The following PCCA variants were observed in gnomAD, a reference collection of about 807,000 sequenced individuals.
PCCA encodes propionyl-CoA carboxylase alpha chain, mitochondrial.
A neutral mutation model predicts 101.3 loss-of-function variants in PCCA; 74 were observed. That is an observed-to-expected ratio of 0.73 (90% confidence interval 0.61 to 0.89). PCCA has a LOEUF of 0.89. PCCA is among the 40% of genes least tolerant of loss of function. The pLI is 0.00. For missense variants in PCCA, 891 were observed against 907.0 expected, an observed-to-expected ratio of 0.98 and a Z score of 0.23; for synonymous variants, 294 against 313.6, an observed-to-expected ratio of 0.94 and a Z score of 0.66.
At chr13:100,247,364 C>T (rs2061498912) in intron 8 of PCCA, among the ~76,000 whole-genome samples, 1 of 151,626 alleles carries the variant, frequency 6.6e-6, no homozygotes, top group Non-Finnish European at 1.5e-5. Flanking sequence ...CTACAGGTGC[C>T]TGCCTCCACG....
intron 20 of PCCA, among the ~76,000 whole-genome samples, chr13:100,430,221 G>A (rs1251728222): frequency 2.6e-5 from 4 of 152,038 alleles, no homozygotes; most frequent in African/African-American, 4.8e-5. Context: ...AGCTGAGATC[G>A]CGCCATTGCA....
chr13:100,478,505 A>G (rs2083607916), intron 21 of PCCA, among the ~76,000 whole-genome samples: 1 of 152,142 alleles, frequency 6.6e-6, no homozygotes, highest in Non-Finnish European at 1.5e-5. Flanking sequence ...AGAGGTGGGA[A>G]GACCTGTGTC....
At chr13:100,453,623 C>T (rs1250626457) in intron 21 of PCCA, among the ~76,000 whole-genome samples, 4 of 152,144 alleles carry the variant, frequency 2.6e-5, no homozygotes, top group Non-Finnish European at 4.4e-5. Flanking sequence ...CAAGGTTTCA[C>T]GTCTGGCTGG....
chr13:100,179,449 G>C (rs1321998878), intron 6 of PCCA, among the ~76,000 whole-genome samples: 2 of 152,124 alleles, frequency 1.3e-5, no homozygotes, highest in African/African-American at 4.8e-5. Context: ...CTTCAATGCT[G>C]TCGTGATCTT....
chr13:100,208,348 A>G (rs564408642), intron 6 of PCCA, among the ~76,000 whole-genome samples: 15 of 152,312 alleles, frequency 9.8e-5, no homozygotes, highest in African/African-American at 2.2e-4. Flanking sequence ...GCAGGCAGCA[A>G]CGCTAACATG....
rs368480316 is a variant in PCCA, at chr13:100,249,235, T to C, written c.638-8360T>C. Reference sequence around the variant, plus strand: ...AGAAATTTTATAGTTCTGCAATGTATATTTAGGTCTGAGATCCATTTTGAG... The same window carrying C: ...AGAAATTTTATAGTTCTGCAATGTACATTTAGGTCTGAGATCCATTTTGAG... On this transcript the variant is annotated intron_variant, in intron 8 of 23. Coordinates refer to ENST00000376285, the MANE Select transcript of PCCA (RefSeq NM_000282.4). 3.9e-5 allele frequency among the ~76,000 whole-genome samples: 6 copies of C among 152,378 alleles called. No individual in the cohort carries two copies. The South Asian group carries it at 1.2e-3, about 32-fold the overall frequency.
At chr13:100,143,429 G>T (rs2052136828) in intron 4 of PCCA, among the ~76,000 whole-genome samples, 1 of 151,738 alleles carries the variant, frequency 6.6e-6, no homozygotes, top group Non-Finnish European at 1.5e-5. Flanking sequence ...CAGCTACTTG[G>T]GAGGCTGAGG....
At chr13:100,417,745 C>G (rs1180218473) in intron 19 of PCCA, among the ~76,000 whole-genome samples, 1 of 152,130 alleles carries the variant, frequency 6.6e-6, no homozygotes, top group Admixed American at 6.5e-5. Context: ...TGCCCACTTT[C>G]AGACCAACAG....
chr13:100,456,983 G>A (rs1184259083), intron 21 of PCCA, among the ~76,000 whole-genome samples: 4 of 152,022 alleles, frequency 2.6e-5, no homozygotes, highest in Non-Finnish European at 5.9e-5. Context: ...GGGTGTCTTC[G>A]CAGACACTGG....
chr13:100,443,629 C>T (rs1288975644), intron 20 of PCCA, among the ~76,000 whole-genome samples: 3 of 147,584 alleles, frequency 2.0e-5, no homozygotes, highest in East Asian at 2.0e-4. Context: ...TTTCTTGCCA[C>T]GCAGCAGTTC....
At chr13:100,507,699 T>C (rs890003260) in intron 21 of PCCA, among the ~76,000 whole-genome samples, 4 of 152,276 alleles carry the variant, frequency 2.6e-5, no homozygotes, top group South Asian at 2.1e-4. Flanking sequence ...CACTGTGGCC[T>C]GGGCTGGAGT....
chr13:100,269,532 C>T (rs1426992153), intron 11 of PCCA, among the ~76,000 whole-genome samples: 1 of 152,142 alleles, frequency 6.6e-6, no homozygotes, highest in South Asian at 2.1e-4. Context: ...TTGGGTACTT[C>T]TCCAGGGCAT....
chr13:100,139,060 CATT>C (rs1369069664), intron 4 of PCCA, among the ~76,000 whole-genome samples: 1 of 151,308 alleles, frequency 6.6e-6, no homozygotes, highest in African/African-American at 2.4e-5. Context: ...ACTTGAAAAA[CATT>C]ATGTCACTTC....
rs961698348 is a variant in PCCA at position 100,501,146 on chromosome 13, T to TA, written c.1900-14273dup. Among the ~76,000 whole-genome samples, 250 of 151,730 alleles carry TA rather than the reference T, an allele frequency of 1.6e-3. 1 individual carries two copies. The highest frequency in any genetic ancestry group is 5.7e-3 in the African/African-American group (234 of 41,412). On this transcript the variant is annotated intron_variant, in intron 21 of 23. Transcript: ENST00000376285. Reference sequence around the variant, plus strand: ...AACCTGAGCAACAGAGTGAGACTCTTAAAAAAAAGAAAAAATGTGTCACTC... The same window carrying TA: ...AACCTGAGCAACAGAGTGAGACTCTTAAAAAAAAAGAAAAAATGTGTCACTC...
At chr13:100,379,426 C>A (rs549707879) in intron 19 of PCCA, among the ~76,000 whole-genome samples, 2 of 152,172 alleles carry the variant, frequency 1.3e-5, no homozygotes, top group East Asian at 1.9e-4. Flanking sequence ...AAGTATAAAA[C>A]TTGTATTGTG....
intron 22 of PCCA, among the ~76,000 whole-genome samples, chr13:100,516,875 G>C (rs2086866577): frequency 6.6e-6 from 1 of 152,036 alleles, no homozygotes; most frequent in Non-Finnish European, 1.5e-5. Context: ...CATTATCAGA[G>C]CTGTCAGTGG....
chr13:100,312,694 G>A (rs1333517071), intron 16 of PCCA, among the ~76,000 whole-genome samples: 3 of 152,204 alleles, frequency 2.0e-5, no homozygotes, highest in Admixed American at 2.0e-4. Flanking sequence ...CCGCTAAATG[G>A]ATGAATGACT....
At chr13:100,373,159 G>C (rs990797643) in intron 19 of PCCA, among the ~76,000 whole-genome samples, 1 of 152,112 alleles carries the variant, frequency 6.6e-6, no homozygotes, top group South Asian at 2.1e-4. Context: ...GAAGATATAC[G>C]CATGGCCAAT....
chr13:100,228,638 C>T (rs1225841013), intron 7 of PCCA, among the ~76,000 whole-genome samples: 1 of 151,900 alleles, frequency 6.6e-6, no homozygotes, highest in Non-Finnish European at 1.5e-5. Flanking sequence ...TGGCTCACTC[C>T]TGTAATCCTA....
Sources: gnomAD v4.1 joint callset for allele counts (sites outside exome capture counted in the v4.1 genomes callset) on GRCh38, gnomAD v4.1.1 for gene constraint, MANE v1.5 for transcripts, NCBI Gene and HGNC (gene_info 2026-07-23, HGNC 2026-07-21) for gene names.